The following DAB1 variants were observed in gnomAD, a reference collection of about 807,000 sequenced individuals.
The protein encoded by DAB1 is DAB adaptor protein 1.
In DAB1, 15 loss-of-function variants were observed where a neutral mutation model predicts 64.6. The observed-to-expected ratio is 0.23, with a 90% CI of 0.16 to 0.36. The LOEUF (loss-of-function observed/expected upper bound fraction) is 0.36. Among genes scored for constraint, DAB1 ranks in the 10% least tolerant of loss-of-function variants. DAB1 has a pLI of 1.00. For missense variants in DAB1, 596 were observed against 706.7 expected (o/e 0.84, Z 1.78); for synonymous variants, 235 against 251.9 (o/e 0.93, Z 0.64).
At chr1:57,300,660 G>A (rs1026244620) in intron 1 of DAB1, among the ~76,000 whole-genome samples, 1 of 152,198 alleles carries the variant, frequency 6.6e-6, no homozygotes, top group Non-Finnish European at 1.5e-5. Flanking sequence ...TCCTGCCAGT[G>A]AGGCGCTTGA....
intron 7 of DAB1, among the ~76,000 whole-genome samples, chr1:57,470,476 T>G (rs561182849): frequency 5.3e-5 from 8 of 152,332 alleles, no homozygotes; most frequent in Admixed American, 3.9e-4. Flanking sequence ...GCTACAGTAG[T>G]AAAGTGATTA....
At chr1:57,130,409 G>A (rs953821509) in intron 4 of DAB1, among the ~76,000 whole-genome samples, 20 of 151,978 alleles carry the variant, frequency 1.3e-4, no homozygotes, top group African/African-American at 2.2e-4. Flanking sequence ...CCACTACTGC[G>A]TACATATCCA....
intron 3 of DAB1, among the ~76,000 whole-genome samples, chr1:58,361,552 C>CT (rs71246203): frequency 0.2 from 30,627 of 152,036 alleles, 3,170 homozygotes; most frequent in Middle Eastern, 0.3. Flanking sequence ...ATTCTGCAAA[C>CT]CACAGTTTTG....
chr1:57,395,740 A>G (rs1307016005), intron 1 of DAB1, among the ~76,000 whole-genome samples: 1 of 145,056 alleles, frequency 6.9e-6, no homozygotes, highest in Non-Finnish European at 1.5e-5. Flanking sequence ...CATGGCTACC[A>G]TATTAGGGAA....
chr1:57,784,426 T>C (rs1325729978), intron 6 of DAB1, among the ~76,000 whole-genome samples: 2 of 151,916 alleles, frequency 1.3e-5, no homozygotes, highest in Non-Finnish European at 2.9e-5. Context: ...AAAGCTGAGA[T>C]AGGTATCTTG....
At chr1:57,436,459 G>C (rs1198336480) in intron 7 of DAB1, among the ~76,000 whole-genome samples, 1 of 152,222 alleles carries the variant, frequency 6.6e-6, no homozygotes, top group Admixed American at 6.5e-5. Flanking sequence ...AGACAAAGTG[G>C]GGCAGCTAAC....
chr1:57,733,778 A>G (rs937684272), intron 6 of DAB1, among the ~76,000 whole-genome samples: 1 of 152,162 alleles, frequency 6.6e-6, no homozygotes, highest in East Asian at 1.9e-4. Flanking sequence ...ATTGAGAAAG[A>G]GAAAGTGGGG....
intron 3 of DAB1, among the ~76,000 whole-genome samples, chr1:58,483,370 T>C (rs1052807465): frequency 1.3e-5 from 2 of 152,152 alleles, no homozygotes; most frequent in African/African-American, 4.8e-5. Context: ...AGAGAGGGAC[T>C]TGTAGTCAGA....
chr1:57,069,643 A>G (rs1651264856), intron 7 of DAB1, among the ~76,000 whole-genome samples: 1 of 152,228 alleles, frequency 6.6e-6, no homozygotes, highest in South Asian at 2.1e-4. Flanking sequence ...TCAGTATTTC[A>G]GCAGTGATTG....
intron 3 of DAB1, among the ~76,000 whole-genome samples, chr1:58,437,837 C>T (rs1156754037): frequency 1.3e-5 from 2 of 152,310 alleles, no homozygotes; most frequent in East Asian, 3.9e-4. Flanking sequence ...CAGTGCTGAG[C>T]AGGGTGAGCA....
rs777183613 is a variant in DAB1, at chr1:57,072,340, T to C, written c.381A>G (p.Gly127=). 6.2e-7 allele frequency: 1 copy of C among 1,613,740 alleles called. No individual in the cohort carries two copies. The highest frequency in any genetic ancestry group is 1.1e-5 in the South Asian group (1 of 91,054). The change falls in exon 5 of 15, where the codon GGA becomes GGG. Residue 127 remains glycine, a synonymous_variant. Transcript: ENST00000371236. ...GATTCCCTTCCTTCCCACAAACATA[T>C]CCAAAGGCCCGGTGATCTGTAATGT... ...AKDITDHRAF[G]YVCGKEGNHR...
chr1:57,888,150 C>A (rs1490852089), upstream of DAB1, among the ~76,000 whole-genome samples: 2 of 152,138 alleles, frequency 1.3e-5, no homozygotes, highest in Non-Finnish European at 2.9e-5. Flanking sequence ...GAAATGTTTT[C>A]TTTGAGGGGG....
intron 4 of DAB1, among the ~76,000 whole-genome samples, chr1:58,155,625 G>A (rs930589470): frequency 2.6e-5 from 4 of 152,170 alleles, no homozygotes; most frequent in African/African-American, 9.7e-5. Flanking sequence ...AAAGGATAGG[G>A]TTGTAGCTAA....
intron 4 of DAB1, among the ~76,000 whole-genome samples, chr1:58,183,889 T>C (rs772114762): frequency 2.0e-5 from 3 of 151,986 alleles, no homozygotes; most frequent in Non-Finnish European, 2.9e-5. Context: ...GATACCCCTA[T>C]TAAATTTTTG....
intron 2 of DAB1, among the ~76,000 whole-genome samples, chr1:57,254,122 G>A (rs1023421992): frequency 6.6e-6 from 1 of 152,170 alleles, no homozygotes; most frequent in Non-Finnish European, 1.5e-5. Context: ...AGCAGTCCCA[G>A]GATTATTTCA....
At chr1:58,248,665 G>A (rs747960290) in intron 4 of DAB1, among the ~76,000 whole-genome samples, 1 of 152,170 alleles carries the variant, frequency 6.6e-6, no homozygotes, top group Non-Finnish European at 1.5e-5. Flanking sequence ...CATGTCCCCT[G>A]CAAGAAGGAT....
At chr1:57,871,899 G>C (rs542773621) in intron 1 of DAB1, among the ~76,000 whole-genome samples, 27 of 152,244 alleles carry the variant, frequency 1.8e-4, no homozygotes, top group African/African-American at 6.0e-4. Context: ...TGCTCAAGAT[G>C]TAAGTTTATT....
intron 2 of DAB1, among the ~76,000 whole-genome samples, chr1:57,201,674 C>T (rs1011367235): frequency 6.6e-6 from 1 of 152,080 alleles, no homozygotes; most frequent in Non-Finnish European, 1.5e-5. Context: ...AAGGAGCTTC[C>T]GTTCTAGTGG....
At chr1:57,508,897 A>G (rs1235271271) in intron 7 of DAB1, among the ~76,000 whole-genome samples, 20 of 151,896 alleles carry the variant, frequency 1.3e-4, no homozygotes, top group Admixed American at 1.3e-3. Context: ...ATTTATATAT[A>G]CTTATAAAAC....
Sources: allele counts gnomAD v4.1 joint callset (sites outside exome capture counted in the v4.1 genomes callset), GRCh38; gene constraint gnomAD v4.1.1; transcripts MANE v1.5; gene names NCBI Gene and HGNC (gene_info 2026-07-23, HGNC 2026-07-21).